The following MAEA variants were observed in gnomAD, a reference collection of about 807,000 sequenced individuals.
The protein encoded by MAEA is macrophage erythroblast attacher, E3 ubiquitin ligase, also known as E3 ubiquitin-protein transferase MAEA.
A neutral mutation model predicts 46.2 loss-of-function variants in MAEA; 22 were observed. The ratio of observed to expected loss-of-function variants is 0.48; its 90% CI spans 0.34 to 0.68. The LOEUF (loss-of-function observed/expected upper bound fraction) is 0.68, where lower values mean the gene tolerates loss of function less well. Among genes scored for constraint, MAEA ranks in the 30% least tolerant of loss-of-function variants. MAEA has a pLI of 0.01. For synonymous variants in MAEA, 246 were observed against 222.6 expected (o/e 1.11, Z -0.94); for missense variants, 393 against 558.1 (o/e 0.70, Z 2.98).
Position 1,328,735 on chromosome 4 carries a change from G to T in MAEA, c.656+1032G>T, listed in dbSNP as rs987853211. The stretch of plus-strand genomic sequence containing the variant: ...TCCCCAAGACGCACGGCAGAACCGC[G>T]GCAAGTCCCTGCCCTTGCGTGGACC... On this transcript the variant is annotated intron_variant, in intron 5 of 8. Transcript: ENST00000303400. 3 of 1,236,448 alleles carry T rather than the reference G, an allele frequency of 2.4e-6. No homozygotes were observed. The East Asian group carries it at 1.8e-4, about 74-fold the overall frequency. The allele number at this position is 1,236,448 out of a possible 1,614,324, so 76.6% of individuals were successfully genotyped here. A position where few individuals can be genotyped will look rare whatever the true frequency, so the allele number is the denominator to read the frequency against.
chr4:1,318,491 G>T (rs1334614473), intron 3 of MAEA, among the ~76,000 whole-genome samples: 1 of 152,234 alleles, frequency 6.6e-6, no homozygotes, highest in African/African-American at 2.4e-5. Flanking sequence ...GTGTTGGGGT[G>T]CCCTGAGCAT....
At chr4:1,337,125 C>T (rs898162491) in intron 7 of MAEA, 131 bp downstream of exon 7, 10 of 1,147,250 alleles carry the variant, frequency 8.7e-6, no homozygotes, top group South Asian at 1.4e-5. Flanking sequence ...CCGTGTGCTG[C>T]ACTTGCGTGG....
At chr4:1,319,438 A>G (rs1013730443) in intron 3 of MAEA, among the ~76,000 whole-genome samples, 2 of 152,198 alleles carry the variant, frequency 1.3e-5, no homozygotes, top group Non-Finnish European at 2.9e-5. Context: ...TTGACGTACG[A>G]GCCTGCTGCC....
Position 1,311,131 on chromosome 4 carries a change from C to T in MAEA, c.70-848C>T, listed in dbSNP as rs764613299. Among the ~76,000 whole-genome samples, 3 of 152,222 alleles carry T rather than the reference C, an allele frequency of 2.0e-5. No individual in the cohort carries two copies. Among genetic ancestry groups the T allele is most frequent in the Non-Finnish European group, 2.9e-5 (2 of 68,030 alleles). On this transcript the variant is annotated intron_variant, in intron 1 of 8. Transcript: ENST00000303400. This position sits in a 1 kb window ranked among gnomAD's most constrained non-coding sequence, Gnocchi z 4.4. ...AGCGCTTGTTCTGGCACAGCTGCGA[C>T]GGCAGAGTTGGGCCCACTGCTCTTG...
At chr4:1,297,227 A>G (rs773506002) in intron 1 of MAEA, among the ~76,000 whole-genome samples, 11 of 152,166 alleles carry the variant, frequency 7.2e-5, no homozygotes, top group Non-Finnish European at 1.5e-4. Context: ...GAGAACTCGG[A>G]GGTTTTCTCG....
intron 4 of MAEA, among the ~76,000 whole-genome samples, chr4:1,322,899 G>C (rs905216353): frequency 6.6e-6 from 1 of 151,058 alleles, no homozygotes; most frequent in Non-Finnish European, 1.5e-5. Context: ...CTCCATCTGC[G>C]AGGCTGCAGA....
At chr4:1,317,716 C>T (rs547035802) in intron 3 of MAEA, among the ~76,000 whole-genome samples, 1 of 152,308 alleles carries the variant, frequency 6.6e-6, no homozygotes, top group East Asian at 1.9e-4. Context: ...GGTTCACAAG[C>T]GTGAATGTGA....
chr4:1,313,059 G>A (rs1045817583), intron 2 of MAEA, among the ~76,000 whole-genome samples: 2 of 152,298 alleles, frequency 1.3e-5, no homozygotes, highest in African/African-American at 4.8e-5. Context: ...GGGACCCCAC[G>A]GTACTACAGC....
At chr4:1,326,022 C>T (rs1465927859) in intron 4 of MAEA, among the ~76,000 whole-genome samples, 1 of 152,308 alleles carries the variant, frequency 6.6e-6, no homozygotes, top group East Asian at 1.9e-4. Flanking sequence ...ACCTGAGCCC[C>T]TCTGAGCCCC....
chr4:1,290,904 G>A (rs1734042750), intron 1 of MAEA, among the ~76,000 whole-genome samples: 1 of 152,216 alleles, frequency 6.6e-6, no homozygotes, highest in Non-Finnish European at 1.5e-5. Context: ...TGTGAATCAG[G>A]CTTCTCTGTA....
At chr4:1,310,279 G>C (rs1237370327) in intron 1 of MAEA, among the ~76,000 whole-genome samples, 1 of 152,232 alleles carries the variant, frequency 6.6e-6, no homozygotes, top group Non-Finnish European at 1.5e-5. Context: ...CGCTTGCACT[G>C]GTCAGGTATT....
chr4:1,321,338 A>T (rs1366077029), intron 3 of MAEA, among the ~76,000 whole-genome samples: 1 of 152,204 alleles, frequency 6.6e-6, no homozygotes, highest in African/African-American at 2.4e-5. Context: ...AGAAAACGCT[A>T]TGAAGGGGTT....
intron 5 of MAEA, among the ~76,000 whole-genome samples, chr4:1,328,076 C>A (rs532934120): frequency 1.3e-5 from 2 of 152,350 alleles, no homozygotes; most frequent in South Asian, 2.1e-4. Context: ...GTGTCTCTGA[C>A]GTGTGGTCCT....
chr4:1,293,636 C>T (rs952770196), intron 1 of MAEA, among the ~76,000 whole-genome samples: 1 of 152,222 alleles, frequency 6.6e-6, no homozygotes, highest in African/African-American at 2.4e-5. Flanking sequence ...CCCACCTCTC[C>T]TCTCCTGGAG....
intron 1 of MAEA, among the ~76,000 whole-genome samples, chr4:1,304,358 T>C (rs570507881): frequency 6.6e-6 from 1 of 152,238 alleles, no homozygotes; most frequent in Admixed American, 6.5e-5. Context: ...GGTCTCCAAC[T>C]CCTGGCCTCA....
At chr4:1,306,220 C>T (rs766141150) in intron 1 of MAEA, among the ~76,000 whole-genome samples, 1 of 152,190 alleles carries the variant, frequency 6.6e-6, no homozygotes, top group Non-Finnish European at 1.5e-5. Flanking sequence ...CCATAAAATT[C>T]ACCATCGCGC....
chr4:1,319,015 G>A (rs1003889490), intron 3 of MAEA, among the ~76,000 whole-genome samples: 6 of 152,060 alleles, frequency 3.9e-5, no homozygotes, highest in African/African-American at 1.4e-4. Context: ...GCCCAGGAGG[G>A]GCAGAACAGA....
chr4:1,296,880 C>T (rs559086160), intron 1 of MAEA, among the ~76,000 whole-genome samples: 3 of 152,288 alleles, frequency 2.0e-5, no homozygotes, highest in African/African-American at 7.2e-5. Context: ...TGCATGTCCT[C>T]ACTTGCCTAT....
At chr4:1,309,631 A>G in intron 1 of MAEA, 1 of 1,528,900 alleles carries the variant, frequency 6.5e-7, no homozygotes, top group Non-Finnish European at 8.7e-7. Context: ...GGGAGGCCTG[A>G]GGAGTAAGCG....
Sources: allele counts gnomAD v4.1 joint callset (sites outside exome capture counted in the v4.1 genomes callset), GRCh38; gene constraint gnomAD v4.1.1; non-coding constraint Gnocchi (gnomAD v3.1); transcripts MANE v1.5; gene names NCBI Gene and HGNC (gene_info 2026-07-23, HGNC 2026-07-21).